Variants in SMARCAL1 observed in about 807,000 individuals in gnomAD.
The protein encoded by SMARCAL1 is ATP-driven annealing helicase.
SMARCAL1 carries 58 observed loss-of-function variants against 94.5 expected under a neutral mutation model. The observed-to-expected ratio is 0.61, with a 90% confidence interval of 0.50 to 0.76. SMARCAL1 has a LOEUF of 0.76. SMARCAL1 is among the 30% of genes least tolerant of loss of function. The pLI is 0.00. For missense variants in SMARCAL1, 1,051 were observed against 1,177.9 expected (o/e 0.89, Z 1.58); for synonymous variants, 422 against 455.1 (o/e 0.93, Z 0.93).
rs762831069 is a variant in SMARCAL1, at chr2:216,478,223, T to C, written c.2549T>C (p.Ile850Thr). Residue 850 changes from isoleucine (I) to threonine (T), a missense_variant, in exon 17 of 18, where the codon ATT becomes ACT. Ile to Thr is a moderately conservative substitution (Grantham distance 89). This residue lies in a region of SMARCAL1 where 642 missense variants were observed against 754.7 expected (regional missense o/e 0.85). Transcript: ENST00000357276. ...DYLWPLIQEK[I>T]KVLAEAGLSE... ...AACAGGCCCCTGATTCAAGAGAAGATTAAAGTTCTGGCAGAAGCCGGGCTT... is the reference window on the plus strand; with the variant it reads ...AACAGGCCCCTGATTCAAGAGAAGACTAAAGTTCTGGCAGAAGCCGGGCTT... The C allele has an allele frequency of 6.8e-6, 11 of 1,614,158 alleles. No individual in the cohort carries two copies. The highest frequency in any genetic ancestry group is 7.6e-6 in the Non-Finnish European group (9 of 1,179,996).
At position 216,475,263 on chromosome 2, in the gene SMARCAL1, C is replaced by CTGCAGCACG; in HGVS notation, c.2248_2256dup. ...CCCACCTTGCTTCTGCCCCTTGTTC[C>CTGCAGCACG]TGCAGCACGTGCAGCACATCCGCAT... On this transcript the variant is annotated splice_region_variant and splice_polypyrimidine_tract_variant and intron_variant, in intron 14 of 17. Coordinates refer to ENST00000357276, the MANE Select transcript of SMARCAL1 (RefSeq NM_014140.4). The surrounding 1 kb of genome is among the most constrained non-coding windows in gnomAD (Gnocchi z 4.4). 1.2e-6 allele frequency: 2 copies of CTGCAGCACG among 1,614,106 alleles called. No homozygotes were observed. The highest frequency in any genetic ancestry group is 1.7e-6 in the Non-Finnish European group (2 of 1,180,012).
chr2:216,414,174 T>G (rs1051235906), intron 2 of SMARCAL1: 1 of 152,838 alleles, frequency 6.5e-6, no homozygotes, highest in Admixed American at 6.5e-5. Flanking sequence ...TTTTTTTTTT[T>G]CTTTGAGAGT....
At chr2:216,468,375 A>C (rs993905293) in intron 14 of SMARCAL1, among the ~76,000 whole-genome samples, 8 of 152,208 alleles carry the variant, frequency 5.3e-5, no homozygotes, top group African/African-American at 1.9e-4. Context: ...GTATGGAGAC[A>C]AGTATTTATG....
chr2:216,442,531 A>G, intron 10 of SMARCAL1, among the ~76,000 whole-genome samples: 1 of 152,158 alleles, frequency 6.6e-6, no homozygotes, highest in East Asian at 1.9e-4. Context: ...AGGCAGCTAT[A>G]GTTACCAGTT....
chr2:216,478,399 A>AG (rs1265913568), intron 17 of SMARCAL1, 100 bp downstream of exon 17: 26 of 878,104 alleles, frequency 3.0e-5, no homozygotes, highest in Non-Finnish European at 4.7e-5. Context: ...AATCACTCCT[A>AG]GGGACCTCCC....
chr2:216,424,487 T>A (rs1693788654), intron 6 of SMARCAL1, among the ~76,000 whole-genome samples: 1 of 152,148 alleles, frequency 6.6e-6, no homozygotes, highest in Non-Finnish European at 1.5e-5. Context: ...AAGGAGTCAT[T>A]TGTGGGTACC....
chr2:216,415,538 G>GTTTTTTTTTTTTTTTTTTT, intron 3 of SMARCAL1, 23 bp downstream of exon 3: 3 of 1,399,874 alleles, frequency 2.1e-6, no homozygotes, highest in Non-Finnish European at 2.9e-6. Flanking sequence ...TTTTTCAGCT[G>GTTTTTTTTTTTTTTTTTTT]TTTTTTTTTT....
At chr2:216,479,202 C>G (rs1320732995) in intron 17 of SMARCAL1, 2 of 152,228 alleles carry the variant, frequency 1.3e-5, no homozygotes, top group Non-Finnish European at 2.9e-5. Flanking sequence ...AGGTCTGAGC[C>G]TCATGCAGAA....
intron 12 of SMARCAL1, among the ~76,000 whole-genome samples, chr2:216,462,976 G>A (rs1327018369): frequency 1.3e-5 from 2 of 152,090 alleles, no homozygotes; most frequent in African/African-American, 4.8e-5. Context: ...GCATGACCCT[G>A]TCTCAAAAAC....
chr2:216,459,821 C>G (rs1428621956), intron 12 of SMARCAL1, among the ~76,000 whole-genome samples: 1 of 151,858 alleles, frequency 6.6e-6, no homozygotes, highest in Non-Finnish European at 1.5e-5. Flanking sequence ...CAACAAAAGC[C>G]AAAATTGACA....
chr2:216,473,032 T>A (rs145130239), intron 14 of SMARCAL1, among the ~76,000 whole-genome samples: 2 of 152,216 alleles, frequency 1.3e-5, no homozygotes, highest in African/African-American at 4.8e-5. Context: ...ATTCTTGAGG[T>A]ATAATTGACA....
chr2:216,434,132 A>C (rs1385605038), intron 8 of SMARCAL1, among the ~76,000 whole-genome samples: 3 of 152,022 alleles, frequency 2.0e-5, no homozygotes, highest in Non-Finnish European at 4.4e-5. Context: ...TGCCTGTAGA[A>C]AGTAATCTTC....
At chr2:216,433,305 A>G (rs946027756) in intron 8 of SMARCAL1, among the ~76,000 whole-genome samples, 1 of 152,016 alleles carries the variant, frequency 6.6e-6, no homozygotes, top group Non-Finnish European at 1.5e-5. Context: ...GCTGGTCCCA[A>G]ACTCCTGGGT....
intron 8 of SMARCAL1, 86 bp from the exon 9 acceptor site, chr2:216,435,252 T>C (rs1047599139): frequency 2.8e-5 from 39 of 1,416,144 alleles, no homozygotes; most frequent in Non-Finnish European, 3.3e-5. Context: ...TGATGGCTGT[T>C]GATGGGCATG....
chr2:216,465,770 C>T (rs1369884229), intron 13 of SMARCAL1, among the ~76,000 whole-genome samples: 2 of 151,992 alleles, frequency 1.3e-5, no homozygotes, highest in Non-Finnish European at 2.9e-5. Context: ...GAATGGATTC[C>T]GTAGGGCTGA....
intron 7 of SMARCAL1, among the ~76,000 whole-genome samples, chr2:216,429,292 G>A (rs961535286): frequency 6.6e-6 from 1 of 152,212 alleles, no homozygotes; most frequent in Non-Finnish European, 1.5e-5. Flanking sequence ...AGTCTTTGTG[G>A]CCTTGGAGGC....
intron 13 of SMARCAL1, among the ~76,000 whole-genome samples, chr2:216,466,692 G>A (rs961035269): frequency 2.0e-5 from 3 of 152,090 alleles, no homozygotes; most frequent in Admixed American, 6.5e-5. Context: ...GGAAAATTGG[G>A]GCCTGTGGTT....
In SMARCAL1 at chr2:216,420,472, G is replaced by A. The variant is rs1693695135; in HGVS notation, c.1036G>A (p.Asp346Asn). 6.2e-7 allele frequency: 1 copy of A among 1,614,084 alleles called. No individual in the cohort carries two copies. Among genetic ancestry groups the A allele is most frequent in the Admixed American group, 1.7e-5 (1 of 60,002 alleles). The change falls in exon 5 of 18, where the codon GAC (aspartate) becomes AAC (asparagine). Residue 346 changes from aspartate (D) to asparagine (N), a missense_variant. Coordinates refer to ENST00000357276, the MANE Select transcript of SMARCAL1 (RefSeq NM_014140.4). ...CATCTCCAGGGCCTACTTCGAGGCA[G>A]ACATCAGTTATTCACAGGACCTTAT... ...MLISRAYFEA[D>N]ISYSQDLIAL... is the part of the protein sequence containing the mutation.
intron 11 of SMARCAL1, among the ~76,000 whole-genome samples, chr2:216,449,473 A>G (rs1694397511): frequency 6.6e-6 from 1 of 152,136 alleles, no homozygotes; most frequent in Non-Finnish European, 1.5e-5. Flanking sequence ...TCATTTGCAA[A>G]CCACTAACTA....
Sources: allele counts gnomAD v4.1 joint callset (sites outside exome capture counted in the v4.1 genomes callset), GRCh38; gene constraint gnomAD v4.1.1; regional missense constraint gnomAD v4.1.1; non-coding constraint Gnocchi (gnomAD v3.1); transcripts MANE v1.5; gene names NCBI Gene and HGNC (gene_info 2026-07-23, HGNC 2026-07-21).